SLC25A48: variants seen among roughly 807,000 people sequenced by gnomAD.
SLC25A48 encodes solute carrier family 25 member 48.
SLC25A48 carries 29 observed loss-of-function variants against 32.2 expected under a neutral mutation model. The observed-to-expected ratio is 0.90, with a 90% confidence interval of 0.67 to 1.23. The LOEUF (loss-of-function observed/expected upper bound fraction) is 1.23. Among genes scored for constraint, SLC25A48 ranks in the 50% most tolerant of loss-of-function variants. The pLI is 0.00. For missense variants in SLC25A48, 399 were observed against 422.7 expected, an observed-to-expected ratio of 0.94 and a Z score of 0.49; for synonymous variants, 164 against 172.3, an observed-to-expected ratio of 0.95 and a Z score of 0.38.
intron 3 of SLC25A48, among the ~76,000 whole-genome samples, chr5:135,764,955 G>C (rs972267033): frequency 6.6e-5 from 10 of 151,808 alleles, no homozygotes; most frequent in Admixed American, 6.6e-4. Flanking sequence ...CATATCACGG[G>C]ACGTGTACAT....
chr5:135,802,630 G>A (rs903065792), intron 3 of SLC25A48, among the ~76,000 whole-genome samples: 1 of 151,416 alleles, frequency 6.6e-6, no homozygotes, highest in Non-Finnish European at 1.5e-5. Flanking sequence ...GGTACACCAT[G>A]TGTGTTCACC....
In SLC25A48 at chr5:135,696,891, G is replaced by C. The variant is rs555531519; in HGVS notation, c.-521+61935G>C. Among the ~76,000 whole-genome samples, 3 of 152,308 alleles carry C rather than the reference G, an allele frequency of 2.0e-5. No individual in the cohort carries two copies. In the South Asian group the frequency reaches 6.2e-4, roughly 32 times the overall value. ...TGAAGGAGCAGGGAGATGGGGCTGG[G>C]AAAGGGCCCCTGGGGATGAGGCATT... is the stretch of plus-strand genomic sequence containing the variant. On this transcript the variant is annotated intron_variant, in intron 3 of 10. Transcript: ENST00000646290.
intron 3 of SLC25A48, among the ~76,000 whole-genome samples, chr5:135,808,019 T>C (rs1580901895): frequency 6.6e-6 from 1 of 150,972 alleles, no homozygotes; most frequent in Admixed American, 6.6e-5. Flanking sequence ...TCATAGTATG[T>C]TATCACTACC....
chr5:135,627,112 G>T (rs1752456620), intron 1 of SLC25A48, among the ~76,000 whole-genome samples: 1 of 152,140 alleles, frequency 6.6e-6, no homozygotes, highest in Non-Finnish European at 1.5e-5. Flanking sequence ...AAGAGTATTG[G>T]TCCTTGGACT....
At chr5:135,785,657 C>A (rs1756823438) in intron 3 of SLC25A48, among the ~76,000 whole-genome samples, 1 of 150,742 alleles carries the variant, frequency 6.6e-6, no homozygotes, top group African/African-American at 2.4e-5. Context: ...ATAATGCTCC[C>A]CATGGGGAGA....
intron 3 of SLC25A48, chr5:135,650,088 A>T (rs116021042): frequency 5.4e-6 from 1 of 183,916 alleles, no homozygotes; most frequent in East Asian, 1.8e-4. Flanking sequence ...AAATATTCTT[A>T]TATTTCCTGC....
At chr5:135,686,968 A>G (rs556329453) in intron 3 of SLC25A48, among the ~76,000 whole-genome samples, 13 of 151,936 alleles carry the variant, frequency 8.6e-5, no homozygotes, top group African/African-American at 2.7e-4. Flanking sequence ...TCCACAGAGA[A>G]GCAGAATCCT....
intron 3 of SLC25A48, among the ~76,000 whole-genome samples, chr5:135,797,390 G>C (rs981052666): frequency 1.3e-5 from 2 of 151,936 alleles, no homozygotes; most frequent in African/African-American, 2.4e-5. Context: ...GAGAGAGGAT[G>C]ATAGTAATTC....
At chr5:135,637,647 ACT>A (rs1304016229) in intron 3 of SLC25A48, among the ~76,000 whole-genome samples, 1 of 152,068 alleles carries the variant, frequency 6.6e-6, no homozygotes, top group African/African-American at 2.4e-5. Context: ...AGTGCTGAAA[ACT>A]CTGGTAGATA....
intron 3 of SLC25A48, among the ~76,000 whole-genome samples, chr5:135,774,665 T>C (rs2126613295): frequency 6.6e-6 from 1 of 151,816 alleles, no homozygotes; most frequent in South Asian, 2.1e-4. Flanking sequence ...AAGTGTATTT[T>C]GGGATATTGA....
chr5:135,800,486 G>T (rs1369379426), intron 3 of SLC25A48, among the ~76,000 whole-genome samples: 1 of 151,850 alleles, frequency 6.6e-6, no homozygotes, highest in Non-Finnish European at 1.5e-5. Context: ...TGCAGGGGAA[G>T]AGAGGATGAC....
intron 3 of SLC25A48, among the ~76,000 whole-genome samples, chr5:135,704,102 C>A (rs115470549): frequency 0.013 from 1,936 of 152,270 alleles, 42 homozygotes; most frequent in African/African-American, 0.043. Context: ...ATGAAGAAGG[C>A]AAAGGTTTCA....
chr5:135,581,741 G>T (rs933966449), intron 1 of SLC25A48, among the ~76,000 whole-genome samples: 1 of 152,224 alleles, frequency 6.6e-6, no homozygotes, highest in Non-Finnish European at 1.5e-5. Context: ...GCAGATCTCT[G>T]GTTTGCAGAA....
At chr5:135,716,675 A>G (rs1754807099) in intron 3 of SLC25A48, among the ~76,000 whole-genome samples, 1 of 152,194 alleles carries the variant, frequency 6.6e-6, no homozygotes, top group Non-Finnish European at 1.5e-5. Context: ...GAGTCTTCCA[A>G]ATAAAAAGGC....
chr5:135,710,375 T>C (rs1754623898), intron 3 of SLC25A48, among the ~76,000 whole-genome samples: 1 of 152,238 alleles, frequency 6.6e-6, no homozygotes. Flanking sequence ...CCATTTGCCA[T>C]GGATTGCATG....
At chr5:135,679,114 G>A (rs2126948416) in intron 3 of SLC25A48, among the ~76,000 whole-genome samples, 1 of 152,232 alleles carries the variant, frequency 6.6e-6, no homozygotes, top group South Asian at 2.1e-4. Flanking sequence ...AATGGCAGTA[G>A]CAGTGAGACT....
chr5:135,755,440 A>G (rs894646799), intron 3 of SLC25A48, among the ~76,000 whole-genome samples: 1 of 151,974 alleles, frequency 6.6e-6, no homozygotes, highest in East Asian at 1.9e-4. Flanking sequence ...TCTAGTGTCA[A>G]TGCACTGTGG....
intron 1 of SLC25A48, among the ~76,000 whole-genome samples, chr5:135,837,648 T>TA (rs1159005369): frequency 7.2e-5 from 11 of 152,178 alleles, no homozygotes; most frequent in African/African-American, 2.7e-4. Flanking sequence ...TGGTAGTGAA[T>TA]AAGTCTCATG....
chr5:135,714,778 G>T (rs1051075598), intron 3 of SLC25A48: 12 of 152,388 alleles, frequency 7.9e-5, no homozygotes, highest in African/African-American at 2.9e-4. Context: ...TATAGATGGA[G>T]CAAAGGAAGC....
Sources: gnomAD v4.1 joint callset for allele counts (sites outside exome capture counted in the v4.1 genomes callset) on GRCh38, gnomAD v4.1.1 for gene constraint, MANE v1.5 for transcripts, NCBI Gene and HGNC (gene_info 2026-07-23, HGNC 2026-07-21) for gene names.